The following OCSTAMP variants were observed in gnomAD, a reference collection of about 807,000 sequenced individuals.
The protein encoded by OCSTAMP is transmembrane protein C20orf123.
In OCSTAMP, 17 loss-of-function variants were observed where a neutral mutation model predicts 25.2. The observed-to-expected ratio is 0.68, with a 90% confidence interval of 0.46 to 1.01. OCSTAMP has a LOEUF of 1.01. Ranked by LOEUF, OCSTAMP falls within the 50% of genes least tolerant of loss-of-function variation. The pLI, the probability that OCSTAMP is intolerant of heterozygous loss-of-function variation, is 0.00. For missense variants in OCSTAMP, 664 were observed against 694.6 expected, an observed-to-expected ratio of 0.96 and a Z score of 0.50; for synonymous variants, 345 against 318.9, an observed-to-expected ratio of 1.08 and a Z score of -0.87.
At chr20:46,546,704 G>A (rs893022487) in intron 1 of OCSTAMP, among the ~76,000 whole-genome samples, 5 of 152,110 alleles carry the variant, frequency 3.3e-5, no homozygotes, top group African/African-American at 9.7e-5. Flanking sequence ...ATGAGTAAGA[G>A]GAGAGAGAAG....
In OCSTAMP at chr20:46,541,706, G is replaced by A; in HGVS notation, c.1269C>T (p.Arg423=). The A allele has an allele frequency of 6.5e-7, 1 of 1,548,688 alleles. No individual in the cohort carries two copies. The highest frequency in any genetic ancestry group is 8.7e-7 in the Non-Finnish European group (1 of 1,146,762). The change falls in exon 3 of 3, where the codon CGC becomes CGT. Residue 423 remains arginine (R), a synonymous_variant. Coordinates refer to ENST00000279028, the MANE Select transcript of OCSTAMP (RefSeq NM_080721.3). ...AAGCGGCGATGGCATGCCGCAGGCG[G>A]CGGGCGTAGGCCTCCAGGAGCACCG... ...GSTVLLEAYA[R]RLRHAIAASF...
Position 46,541,241 on chromosome 20 carries a change from C to T in OCSTAMP, c.*33G>A, listed in dbSNP as rs1298900067. ...AGGAACCATGAGCTCTCTCTGCACT[C>T]CTTGTCTTCGCCTTTGCATGGTTCT... On this transcript the variant is annotated 3_prime_UTR_variant, in exon 3 of 3. Transcript: ENST00000279028. 3 of 706,986 alleles carry T rather than the reference C, an allele frequency of 4.2e-6. No individual in the cohort carries two copies. In the South Asian group the frequency reaches 4.6e-5, roughly 11 times the overall value. The allele number at this position is 706,986 out of a possible 1,614,324, so 43.8% of individuals were successfully genotyped here.
chr20:46,542,786 T>G (rs2061838605), intron 2 of OCSTAMP, among the ~76,000 whole-genome samples: 1 of 152,116 alleles, frequency 6.6e-6, no homozygotes, highest in Non-Finnish European at 1.5e-5. Context: ...CAACCTGGGT[T>G]GGATTCTGCA....
chr20:46,545,762 A>C lies in OCSTAMP; in HGVS notation c.612T>G (p.Thr204=), dbSNP rs112083443. The change falls in exon 2 of 3, where the codon ACT becomes ACG. Residue 204 remains threonine (T), a synonymous_variant. Transcript: ENST00000279028. ...CAGAGAAATCCTCCAGGACCTGCTG[A>C]GTGACCCTGAGCATGTGAAGGTAGA... The part of the protein sequence containing the change: ...SAFYLHMLRV[T]QQVLEDFSGL... 5.4e-4 allele frequency: 833 copies of C among 1,551,508 alleles called. 9 individuals are homozygous for C. The African/African-American group carries it at 9.8e-3, about 18-fold the overall frequency.
chr20:46,543,576 C>T (rs747652208), intron 2 of OCSTAMP, among the ~76,000 whole-genome samples: 6 of 152,078 alleles, frequency 3.9e-5, no homozygotes, highest in Non-Finnish European at 7.4e-5. Flanking sequence ...AGGTGATCCA[C>T]CCACCTCGGC....
Position 46,541,789 on chromosome 20 carries a change from G to C in OCSTAMP, c.1186C>G (p.Arg396Gly), listed in dbSNP as rs1289903036. The C allele has an allele frequency of 1.3e-6, 2 of 1,497,492 alleles. No homozygotes were observed. The highest frequency in any genetic ancestry group is 1.8e-6 in the Non-Finnish European group (2 of 1,126,888). The allele number at this position is 1,497,492 out of a possible 1,614,324, so 92.8% of individuals were successfully genotyped here. A position where few individuals can be genotyped will look rare whatever the true frequency, so the allele number is the denominator to read the frequency against. Residue 396 changes from arginine (R) to glycine (G), a missense_variant, in exon 3 of 3, where the codon CGT becomes GGT. Coordinates refer to ENST00000279028, the MANE Select transcript of OCSTAMP (RefSeq NM_080721.3). ...SARCPLLPAR[R>G]PRAAAPLAAG... ...GCCAGCGGGGCAGCTGCGCGGGGAC[G>C]CCGGGCGGGTAGCAGTGGGCAGCGG...
At chr20:46,543,391 C>A (rs1235263086) in intron 2 of OCSTAMP, among the ~76,000 whole-genome samples, 2 of 144,568 alleles carry the variant, frequency 1.4e-5, no homozygotes, top group African/African-American at 5.2e-5. Context: ...TGCAGTGGAG[C>A]AATCTCAATT....
In OCSTAMP at chr20:46,541,894, G is replaced by A; in HGVS notation, c.1081C>T (p.Leu361Phe). 1 of 1,461,580 alleles carries A rather than the reference G, an allele frequency of 6.8e-7. No individual in the cohort carries two copies. The highest frequency in any genetic ancestry group is 9.0e-7 in the Non-Finnish European group (1 of 1,110,792). The allele number at this position is 1,461,580 out of a possible 1,614,324, so 90.5% of individuals were successfully genotyped here. A position where few individuals can be genotyped will look rare whatever the true frequency, so the allele number is the denominator to read the frequency against. ...CTCTCCGGAGCCAGCTGGTTGAAGAGGAAAGGGATGAAGCCCAGGACAGTG... is the reference window on the plus strand; with the variant it reads ...CTCTCCGGAGCCAGCTGGTTGAAGAAGAAAGGGATGAAGCCCAGGACAGTG... Reference protein sequence around the residue: ...AYTVLGFIPFLFNQLAPESPF... With the variant: ...AYTVLGFIPFFFNQLAPESPF... Residue 361 changes from leucine to phenylalanine, a missense_variant, in exon 3 of 3, where the codon CTC becomes TTC. By Grantham distance (22) the Leu-to-Phe change is conservative. Coordinates refer to ENST00000279028, the MANE Select transcript of OCSTAMP (RefSeq NM_080721.3).
chr20:46,545,298 C>T, intron 2 of OCSTAMP, 29 bp downstream of exon 2: 1 of 1,444,132 alleles, frequency 6.9e-7, no homozygotes, highest in South Asian at 1.5e-5. Flanking sequence ...AACAATGACT[C>T]CCTTCCCTTT....
In OCSTAMP at chr20:46,545,394, G is replaced by A. The variant is rs2061847964; in HGVS notation, c.980C>T (p.Ala327Val). 1 of 1,541,088 alleles carries A rather than the reference G, an allele frequency of 6.5e-7. No individual in the cohort carries two copies. The highest frequency in any genetic ancestry group is 8.7e-7 in the Non-Finnish European group (1 of 1,143,126). The change falls in exon 2 of 3, where the codon GCA (alanine) becomes GTA (valine). Residue 327 changes from alanine to valine, a missense_variant. Transcript: ENST00000279028. ...CTGAGCCCAGTCCACAGTAGCCTGT[G>A]CCAGGAGGAAGGCTACATGGTCTGT... is the stretch of plus-strand genomic sequence containing the variant. ...VATDHVAFLL[A>V]QATVDWAQKL...
intron 2 of OCSTAMP, among the ~76,000 whole-genome samples, chr20:46,543,980 G>A (rs952205663): frequency 1.3e-5 from 2 of 152,166 alleles, no homozygotes; most frequent in African/African-American, 4.8e-5. Flanking sequence ...AGGCTGAGGT[G>A]AGAGGAATGC....
chr20:46,544,051 AT>A (rs1342487903), intron 2 of OCSTAMP, among the ~76,000 whole-genome samples: 1 of 152,186 alleles, frequency 6.6e-6, no homozygotes, highest in Non-Finnish European at 1.5e-5. Flanking sequence ...TCTAAAAAAA[AT>A]ATTAAAAATT....
intron 2 of OCSTAMP, among the ~76,000 whole-genome samples, chr20:46,542,943 A>T (rs538829951): frequency 6.6e-6 from 1 of 152,358 alleles, no homozygotes; most frequent in South Asian, 2.1e-4. Context: ...AGGATCAGAG[A>T]GTGCCAGCCT....
In OCSTAMP at chr20:46,541,751, C is replaced by T; in HGVS notation, c.1224G>A (p.Leu408=). The T allele has an allele frequency of 6.5e-7, 1 of 1,542,198 alleles. No homozygotes were observed. The highest frequency in any genetic ancestry group is 8.7e-7 in the Non-Finnish European group (1 of 1,143,200). The change falls in exon 3 of 3, where the codon CTG becomes CTA. Residue 408 remains leucine, a synonymous_variant. Transcript: ENST00000279028. ...RAAAPLAAGA[L]QLLAGSTVLL... is the part of the protein sequence containing the mutation. The stretch of plus-strand genomic sequence containing the variant: ...GCACCGTGGAGCCCGCCAGGAGCTG[C>T]AGGGCCCCCGCGGCCAGCGGGGCAG...
In OCSTAMP at chr20:46,546,020, G is replaced by A. The variant is rs544017442; in HGVS notation, c.354C>T (p.Gly118=). 21 of 1,551,382 alleles carry A rather than the reference G, an allele frequency of 1.4e-5. No individual in the cohort carries two copies. The highest frequency in any genetic ancestry group is 1.8e-5 in the Non-Finnish European group (21 of 1,146,966). ...LSVPTLGMEQ[G]RRLLLSYSTA... is the part of the protein sequence containing the mutation. Reference sequence around the variant, plus strand: ...TGCTGTAGGACAGGAGCAGCCGGCGGCCCTGCTCCATACCCAGGGTGGGCA... The same window carrying A: ...TGCTGTAGGACAGGAGCAGCCGGCGACCCTGCTCCATACCCAGGGTGGGCA... Residue 118 remains glycine, a synonymous_variant, in exon 2 of 3, where the codon GGC becomes GGT. Coordinates refer to ENST00000279028, the MANE Select transcript of OCSTAMP (RefSeq NM_080721.3).
At chr20:46,543,825 ACTAT>A (rs1291454452) in intron 2 of OCSTAMP, among the ~76,000 whole-genome samples, 9 of 152,194 alleles carry the variant, frequency 5.9e-5, no homozygotes, top group African/African-American at 1.9e-4. Context: ...GCAATTGATG[ACTAT>A]CTGAGATTTG....
chr20:46,547,012 G>T (rs1246429300), intron 1 of OCSTAMP, among the ~76,000 whole-genome samples: 6 of 152,206 alleles, frequency 3.9e-5, no homozygotes, highest in Non-Finnish European at 8.8e-5. Flanking sequence ...AGTAAGGAAA[G>T]CTTGGATTCT....
At position 46,541,132 on chromosome 20, in the gene OCSTAMP, C is replaced by G; in HGVS notation, c.*142G>C. On this transcript the variant is annotated 3_prime_UTR_variant, in exon 3 of 3. Coordinates refer to ENST00000279028, the MANE Select transcript of OCSTAMP (RefSeq NM_080721.3). ...ATATAAATAAGTTCCAGGAGCATTT[C>G]GAGAAATTCATGATGCAAGGTCTCC... 1 of 605,916 alleles carries G rather than the reference C, an allele frequency of 1.7e-6. No individual in the cohort carries two copies. Among genetic ancestry groups the G allele is most frequent in the Non-Finnish European group, 3.0e-6 (1 of 333,484 alleles). The allele number at this position is 605,916 out of a possible 1,614,324, so 37.5% of individuals were successfully genotyped here.
Position 46,541,201 on chromosome 20 carries a change from C to A in OCSTAMP, c.*73G>T, listed in dbSNP as rs192349973. On this transcript the variant is annotated 3_prime_UTR_variant, in exon 3 of 3. Coordinates refer to ENST00000279028, the MANE Select transcript of OCSTAMP (RefSeq NM_080721.3). ...TTGGTGCAGATGAGATGAGCCTGAT[C>A]GCCAACCAGCCTGGAGGAACCATGA... The A allele has an allele frequency of 1.5e-6, 1 of 669,292 alleles. No homozygotes were observed. The highest frequency in any genetic ancestry group is 2.8e-6 in the Non-Finnish European group (1 of 357,968). The allele number at this position is 669,292 out of a possible 1,614,324, so 41.5% of individuals were successfully genotyped here.
Sources: allele counts gnomAD v4.1 joint callset (sites outside exome capture counted in the v4.1 genomes callset), GRCh38; gene constraint gnomAD v4.1.1; transcripts MANE v1.5; gene names NCBI Gene and HGNC (gene_info 2026-07-23, HGNC 2026-07-21).